Variants in ADGRL3 observed in about 807,000 individuals in gnomAD.
ADGRL3 encodes adhesion G protein-coupled receptor L3, also known as calcium-independent alpha-latrotoxin receptor 3.
In ADGRL3, 62 loss-of-function variants were observed where a neutral mutation model predicts 153.5. The ratio of observed to expected loss-of-function variants is 0.40; its 90% CI spans 0.33 to 0.50. ADGRL3 has a LOEUF of 0.50. Ranked by LOEUF, ADGRL3 falls within the 20% of genes least tolerant of loss-of-function variation. ADGRL3 has a pLI of 0.47. For missense variants in ADGRL3, 1,641 were observed against 1,859.4 expected (o/e 0.88, Z 2.16); for synonymous variants, 710 against 672.5 (o/e 1.06, Z -0.86).
chr4:61,352,940 A>G (rs2096078883), intron 1 of ADGRL3, among the ~76,000 whole-genome samples: 1 of 152,176 alleles, frequency 6.6e-6, no homozygotes, highest in South Asian at 2.1e-4. Context: ...AAAATATTCC[A>G]AGTGTGCTAG....
intron 17 of ADGRL3, among the ~76,000 whole-genome samples, chr4:61,951,309 T>C (rs1017008115): frequency 6.6e-6 from 1 of 152,166 alleles, no homozygotes; most frequent in African/African-American, 2.4e-5. Flanking sequence ...TCTGCACCTG[T>C]ACATGGCAGT....
At chr4:61,480,396 T>C (rs2098119138) in intron 2 of ADGRL3, among the ~76,000 whole-genome samples, 1 of 152,186 alleles carries the variant, frequency 6.6e-6, no homozygotes, top group Non-Finnish European at 1.5e-5. Flanking sequence ...TATTTTGTTG[T>C]CTAAATATAC....
chr4:61,474,289 T>C (rs1206962869), intron 2 of ADGRL3, among the ~76,000 whole-genome samples: 1 of 152,142 alleles, frequency 6.6e-6, no homozygotes, highest in Non-Finnish European at 1.5e-5. Context: ...AATAACAGAA[T>C]GTGAAAATCC....
chr4:61,753,858 C>T (rs1205188193), intron 8 of ADGRL3, among the ~76,000 whole-genome samples: 3 of 152,170 alleles, frequency 2.0e-5, no homozygotes, highest in African/African-American at 7.2e-5. Flanking sequence ...AATTTGCTTC[C>T]CTGGAACTTA....
chr4:61,736,425 G>A (rs1334967152), intron 8 of ADGRL3, among the ~76,000 whole-genome samples: 2 of 152,088 alleles, frequency 1.3e-5, no homozygotes, highest in East Asian at 1.9e-4. Flanking sequence ...AGGGCAAGGC[G>A]GGCATATCAC....
chr4:62,041,467 G>A (rs1309162975), intron 24 of ADGRL3, among the ~76,000 whole-genome samples: 1 of 151,896 alleles, frequency 6.6e-6, no homozygotes, highest in Non-Finnish European at 1.5e-5. Context: ...AGTGAAATAT[G>A]TATATGAAAT....
At chr4:61,551,910 T>G (rs894462208) in intron 4 of ADGRL3, among the ~76,000 whole-genome samples, 6 of 152,198 alleles carry the variant, frequency 3.9e-5, no homozygotes, top group African/African-American at 1.4e-4. Flanking sequence ...ACATATATTG[T>G]ATAAGACGCT....
chr4:61,987,148 T>A (rs77786576), intron 19 of ADGRL3, among the ~76,000 whole-genome samples: 257 of 83,002 alleles, frequency 3.1e-3, no homozygotes, highest in East Asian at 0.027. Flanking sequence ...TATTTTATTT[T>A]ATTTATTTTA....
chr4:61,222,137 A>T (rs1367837768), intron 1 of ADGRL3, among the ~76,000 whole-genome samples: 1 of 152,096 alleles, frequency 6.6e-6, no homozygotes, highest in African/African-American at 2.4e-5. Flanking sequence ...TGTTAATCTC[A>T]TATTGAGATG....
In ADGRL3 at chr4:61,546,714, C is replaced by G. The variant is rs574995060; in HGVS notation, c.259+29196C>G. ...GGTTTCATTTGATGATTTGCTGATT[C>G]TCCAGACATGAGAAAATGTTTAAAA... On this transcript the variant is annotated intron_variant, in intron 4 of 26. Coordinates refer to ENST00000683033, the MANE Select transcript of ADGRL3 (RefSeq NM_001387552.1). Among the ~76,000 whole-genome samples the G allele has an allele frequency of 2.0e-5, 3 of 152,182 alleles. No individual in the cohort carries two copies. In the South Asian group the frequency reaches 6.2e-4, roughly 32 times the overall value.
chr4:61,999,279 T>C (rs1178456369), intron 21 of ADGRL3, among the ~76,000 whole-genome samples: 1 of 152,230 alleles, frequency 6.6e-6, no homozygotes, highest in African/African-American at 2.4e-5. Context: ...TTCAGAAAGT[T>C]CTGCCATGCA....
intron 4 of ADGRL3, among the ~76,000 whole-genome samples, chr4:61,545,625 G>A (rs569663993): frequency 6.6e-6 from 1 of 151,982 alleles, no homozygotes; most frequent in East Asian, 1.9e-4. Flanking sequence ...GTGATTCTCC[G>A]GCCTCAGCTT....
intron 4 of ADGRL3, among the ~76,000 whole-genome samples, chr4:61,527,592 C>T (rs56351826): frequency 0.035 from 5,376 of 152,210 alleles, 142 homozygotes; most frequent in Non-Finnish European, 0.056. Context: ...TTTAGATTAA[C>T]TGTGAATGCC....
In ADGRL3 at chr4:62,044,544, A is replaced by G. The variant is rs1240665373; in HGVS notation, c.3809A>G (p.Asn1270Ser). 1 of 1,572,208 alleles carries G rather than the reference A, an allele frequency of 6.4e-7. No homozygotes were observed. Among genetic ancestry groups the G allele is most frequent in the Admixed American group, 1.8e-5 (1 of 55,902 alleles). The change falls in exon 25 of 27, where the codon AAC becomes AGC. Residue 1270 changes from asparagine (N) to serine (S), a missense_variant. Physicochemically the swap from Asn to Ser is conservative, Grantham distance 46 (BLOSUM62 1). Transcript: ENST00000683033. ...TGDINSSASL[N>S]REPYRETKGL... ...GACATAAACAGTTCAGCGTCACTCA[A>G]CAGAGGTAATTAGAAATAATTTTTC...
chr4:61,204,647 T>G (rs1736296887), intron 1 of ADGRL3, among the ~76,000 whole-genome samples: 1 of 152,240 alleles, frequency 6.6e-6, no homozygotes, highest in African/African-American at 2.4e-5. Flanking sequence ...CACTAAGTAT[T>G]CAGTAACCTG....
At chr4:61,318,721 C>T (rs904393540) in intron 1 of ADGRL3, among the ~76,000 whole-genome samples, 1 of 152,156 alleles carries the variant, frequency 6.6e-6, no homozygotes, top group Non-Finnish European at 1.5e-5. Context: ...CACCCTAGTA[C>T]ACTACAACTC....
intron 2 of ADGRL3, among the ~76,000 whole-genome samples, chr4:61,424,629 G>A (rs1448175849): frequency 1.3e-5 from 2 of 152,158 alleles, no homozygotes; most frequent in Non-Finnish European, 2.9e-5. Flanking sequence ...GTACAACATT[G>A]TGTCCCTATA....
chr4:61,626,474 C>G (rs917466689), intron 5 of ADGRL3, among the ~76,000 whole-genome samples: 3 of 151,804 alleles, frequency 2.0e-5, no homozygotes, highest in Admixed American at 6.6e-5. Flanking sequence ...TACTGTCTAC[C>G]CTATTGCAAA....
chr4:61,335,714 C>G (rs959150053), intron 1 of ADGRL3, among the ~76,000 whole-genome samples: 8 of 152,064 alleles, frequency 5.3e-5, no homozygotes, highest in African/African-American at 1.7e-4. Flanking sequence ...CACTTATATA[C>G]CTCTAGGACA....
Sources: allele counts gnomAD v4.1 joint callset (sites outside exome capture counted in the v4.1 genomes callset), GRCh38; gene constraint gnomAD v4.1.1; transcripts MANE v1.5; gene names NCBI Gene and HGNC (gene_info 2026-07-23, HGNC 2026-07-21).